CCDC33: variants seen among roughly 807,000 people sequenced by gnomAD.
The protein encoded by CCDC33 is coiled-coil domain containing 33.
In CCDC33, 94 loss-of-function variants were observed where a neutral mutation model predicts 91.9. That is an observed-to-expected ratio of 1.02 (90% CI 0.87 to 1.21). CCDC33 has a LOEUF of 1.21. Ranked by LOEUF, CCDC33 falls within the 50% of genes most tolerant of loss-of-function variation. CCDC33 has a pLI of 0.00. For missense variants in CCDC33, 940 were observed against 935.5 expected, an observed-to-expected ratio of 1.00 and a Z score of -0.06; for synonymous variants, 396 against 374.5, an observed-to-expected ratio of 1.06 and a Z score of -0.66.
chr15:74,311,396 T>C (rs2059991051), intron 11 of CCDC33: 1 of 151,924 alleles, frequency 6.6e-6, no homozygotes, highest in South Asian at 2.1e-4. Context: ...AATGTGAAAA[T>C]GAGAGCCTAG....
intron 10 of CCDC33, among the ~76,000 whole-genome samples, chr15:74,287,590 G>A (rs1386471209): frequency 6.6e-6 from 1 of 152,164 alleles, no homozygotes; most frequent in East Asian, 1.9e-4. Flanking sequence ...GGGAGGCCGA[G>A]GTGGGCAGAT....
chr15:74,298,828 T>TTGAGG (rs2142638436), intron 11 of CCDC33, among the ~76,000 whole-genome samples: 1 of 148,082 alleles, frequency 6.8e-6, no homozygotes, highest in East Asian at 2.0e-4. Context: ...TTCTCCTTCC[T>TTGAGG]CAGCCTCTTG....
chr15:74,250,819 G>T (rs996868412), intron 2 of CCDC33, among the ~76,000 whole-genome samples: 1 of 152,178 alleles, frequency 6.6e-6, no homozygotes, highest in African/African-American at 2.4e-5. Context: ...AAGTTACTTT[G>T]TCTTTCAATG....
intron 11 of CCDC33, chr15:74,311,987 AG>A (rs1047659476): frequency 6.6e-6 from 1 of 152,170 alleles, no homozygotes; most frequent in African/African-American, 2.4e-5. Context: ...AAGAGATGAA[AG>A]GGACAGATGT....
chr15:74,294,759 AAG>A (rs2059651040), intron 10 of CCDC33, among the ~76,000 whole-genome samples: 1 of 151,780 alleles, frequency 6.6e-6, no homozygotes, highest in African/African-American at 2.4e-5. Context: ...AAAAAAAAAA[AAG>A]AAAAAAAAAT....
intron 1 of CCDC33, among the ~76,000 whole-genome samples, chr15:74,206,120 G>GC (rs977456630): frequency 6.6e-6 from 1 of 152,138 alleles, no homozygotes; most frequent in African/African-American, 2.4e-5. Context: ...TCCCCACAAG[G>GC]CCCCCGTCCC....
intron 1 of CCDC33, among the ~76,000 whole-genome samples, chr15:74,205,351 T>C (rs2074236220): frequency 6.6e-6 from 1 of 152,180 alleles, no homozygotes; most frequent in Admixed American, 6.5e-5. Flanking sequence ...CAGCATCAGC[T>C]TCTGGGGAGG....
At chr15:74,291,205 G>A (rs1213775407) in intron 10 of CCDC33, among the ~76,000 whole-genome samples, 1 of 152,226 alleles carries the variant, frequency 6.6e-6, no homozygotes, top group African/African-American at 2.4e-5. Flanking sequence ...CTGTATGCAG[G>A]GGAGGCAGCA....
At chr15:74,203,921 G>A (rs1396808397) in intron 1 of CCDC33, among the ~76,000 whole-genome samples, 2 of 152,162 alleles carry the variant, frequency 1.3e-5, no homozygotes, top group Non-Finnish European at 2.9e-5. Flanking sequence ...GGGGGTGGGG[G>A]AAAGTGTGTT....
At chr15:74,330,102 AC>A (rs2060396316) in intron 11 of CCDC33, 86 bp from the exon 12 acceptor site, 62 of 1,440,082 alleles carry the variant, frequency 4.3e-5, no homozygotes, top group Non-Finnish European at 5.8e-5. Context: ...CTTGTGGGGG[AC>A]CCACTGACTT....
Position 74,266,700 on chromosome 15 carries a change from C to A in CCDC33, c.342C>A (p.Asp114Glu). The change falls in exon 4 of 19, where the codon GAC becomes GAA. Residue 114 changes from aspartate (D) to glutamate (E), a missense_variant. Transcript: ENST00000398814. ...CAGATGTGATCCTCAAGGTGGTGGACAACAGAAAGAAACAGGAGTTGTTGT... is the reference window on the plus strand; with the variant it reads ...CAGATGTGATCCTCAAGGTGGTGGAAAACAGAAAGAAACAGGAGTTGTTGT... ...GQEDVILKVV[D>E]NRKKQELLSY... 1.2e-6 allele frequency: 2 copies of A among 1,613,950 alleles called. No individual in the cohort carries two copies. The highest frequency in any genetic ancestry group is 1.7e-6 in the Non-Finnish European group (2 of 1,179,816).
At chr15:74,234,872 G>T (rs977249111), upstream of CCDC33, among the ~76,000 whole-genome samples, 2 of 152,250 alleles carry the variant, frequency 1.3e-5, no homozygotes, top group African/African-American at 2.4e-5. Context: ...ACAGCCCTGA[G>T]AATGAGTGCT....
At chr15:74,280,959 G>T (rs1291814890) in intron 9 of CCDC33, among the ~76,000 whole-genome samples, 158 bp downstream of exon 9, 1 of 152,190 alleles carries the variant, frequency 6.6e-6, no homozygotes, top group Non-Finnish European at 1.5e-5. Flanking sequence ...TAGAAGTGAG[G>T]AGCTCCCTGG....
intron 11 of CCDC33, chr15:74,304,237 A>C (rs2059849687): frequency 6.6e-6 from 1 of 152,190 alleles, no homozygotes; most frequent in Non-Finnish European, 1.5e-5. Context: ...AATGAGGGGC[A>C]ATGTGTTGGA....
intron 11 of CCDC33, among the ~76,000 whole-genome samples, chr15:74,328,371 GA>G (rs943581283): frequency 2.6e-5 from 4 of 152,192 alleles, no homozygotes; most frequent in African/African-American, 9.7e-5. Flanking sequence ...ACCAACTCTT[GA>G]GCCTCACAGC....
At chr15:74,276,738 C>CT (rs929633884) in intron 7 of CCDC33, among the ~76,000 whole-genome samples, 17 of 152,226 alleles carry the variant, frequency 1.1e-4, no homozygotes, top group African/African-American at 4.1e-4. Flanking sequence ...CACTGGACAG[C>CT]TTGCTGTTCT....
intron 11 of CCDC33, among the ~76,000 whole-genome samples, chr15:74,296,672 A>T (rs540789291): frequency 1.8e-4 from 27 of 152,316 alleles, no homozygotes; most frequent in African/African-American, 5.5e-4. Context: ...AATTCTGGTG[A>T]CATAGTCTGT....
Position 74,282,464 on chromosome 15 carries a change from C to G in CCDC33, c.1095+615C>G, listed in dbSNP as rs1596022171. Among the ~76,000 whole-genome samples the G allele has an allele frequency of 2.0e-5, 3 of 152,322 alleles. No homozygotes were observed. In the East Asian group the frequency reaches 5.8e-4, roughly 29 times the overall value. ...TCTTAAGCCAGCAGGCATGTCCAGT[C>G]CCTGTCACACCTCAAAACTCTGACT... On this transcript the variant is annotated intron_variant, in intron 10 of 18. Transcript: ENST00000398814.
chr15:74,246,976 C>G (rs1273461083), intron 2 of CCDC33, among the ~76,000 whole-genome samples: 1 of 151,930 alleles, frequency 6.6e-6, no homozygotes, highest in African/African-American at 2.4e-5. Context: ...GAAACCCCAT[C>G]TCTACTAAAA....
Sources: allele counts gnomAD v4.1 joint callset (sites outside exome capture counted in the v4.1 genomes callset), GRCh38; gene constraint gnomAD v4.1.1; transcripts MANE v1.5; gene names NCBI Gene and HGNC (gene_info 2026-07-23, HGNC 2026-07-21).